C12orf42: variants seen among roughly 807,000 people sequenced by gnomAD.
The protein encoded by C12orf42 is chromosome 12 open reading frame 42.
C12orf42 carries 25 observed loss-of-function variants against 21.6 expected under a neutral mutation model. The ratio of observed to expected loss-of-function variants is 1.16; its 90% CI spans 0.84 to 1.62. C12orf42 has a LOEUF of 1.62. Ranked by LOEUF, C12orf42 falls within the 40% of genes most tolerant of loss-of-function variation. The pLI is 0.00. For synonymous variants in C12orf42, 174 were observed against 175.0 expected (o/e 0.99, Z 0.05); for missense variants, 483 against 459.3 (o/e 1.05, Z -0.47).
chr12:103,156,012 T>C, the C12orf42 span: 1 of 151,834 alleles, frequency 6.6e-6, no homozygotes, highest in African/African-American at 2.4e-5. Flanking sequence ...TTAATATTAT[T>C]TTATATTAAT....
the C12orf42 span, among the ~76,000 whole-genome samples, chr12:103,517,953 C>G: frequency 6.6e-6 from 1 of 151,838 alleles, no homozygotes; most frequent in Non-Finnish European, 1.5e-5. Context: ...GATTATAACT[C>G]CATTTTTGTG....
intron 4 of C12orf42, among the ~76,000 whole-genome samples, chr12:103,310,178 G>A (rs1353602669): frequency 6.6e-6 from 1 of 152,136 alleles, no homozygotes; most frequent in Admixed American, 6.5e-5. Context: ...CTCTGGTGCT[G>A]TTCTTGTGAT....
the C12orf42 span, among the ~76,000 whole-genome samples, chr12:103,217,576 C>A: frequency 6.6e-6 from 1 of 151,370 alleles, no homozygotes; most frequent in South Asian, 2.1e-4. Flanking sequence ...GATATAACTC[C>A]TTTTTCTGCT....
chr12:103,074,545 A>C, the C12orf42 span, among the ~76,000 whole-genome samples: 2 of 152,154 alleles, frequency 1.3e-5, no homozygotes, highest in Non-Finnish European at 2.9e-5. Flanking sequence ...ACCCCTCCTG[A>C]TTATATGCTA....
chr12:103,234,797 A>G (rs2033419473), downstream of C12orf42, among the ~76,000 whole-genome samples: 1 of 152,102 alleles, frequency 6.6e-6, no homozygotes, highest in Non-Finnish European at 1.5e-5. Context: ...TTCTGAACAT[A>G]TATACAGCAC....
the C12orf42 span, among the ~76,000 whole-genome samples, chr12:103,227,323 C>T: frequency 5.6e-5 from 8 of 143,938 alleles, no homozygotes; most frequent in African/African-American, 1.8e-4. Context: ...GGTTGGGGCA[C>T]GGAAATAAGG....
chr12:103,271,606 A>T (rs920744648), intron 5 of C12orf42, among the ~76,000 whole-genome samples: 23 of 152,174 alleles, frequency 1.5e-4, no homozygotes, highest in Non-Finnish European at 4.4e-5. Flanking sequence ...GAGACAGAGT[A>T]GGTAAAGCAC....
At chr12:103,099,937 C>A in the C12orf42 span, among the ~76,000 whole-genome samples, 1 of 152,176 alleles carries the variant, frequency 6.6e-6, no homozygotes, top group Admixed American at 6.5e-5. Flanking sequence ...GCCAAATGCC[C>A]ACTTTGATTA....
At chr12:103,348,842 C>A (rs2042856660) in intron 4 of C12orf42, among the ~76,000 whole-genome samples, 1 of 152,076 alleles carries the variant, frequency 6.6e-6, no homozygotes, top group Non-Finnish European at 1.5e-5. Context: ...AGATAAGGAA[C>A]AATTGCAAGG....
chr12:103,423,260 C>T (rs987546450), intron 2 of C12orf42, among the ~76,000 whole-genome samples: 1 of 152,188 alleles, frequency 6.6e-6, no homozygotes, highest in African/African-American at 2.4e-5. Flanking sequence ...TGGGCCCTCC[C>T]CCCCTTGGCC....
At chr12:103,061,001 C>T in the C12orf42 span, among the ~76,000 whole-genome samples, 151 of 152,302 alleles carry the variant, frequency 9.9e-4, 5 homozygotes, top group South Asian at 0.031. Flanking sequence ...GGATCTGGCA[C>T]AGCAAGAGAA....
chr12:103,400,348 T>C (rs1263308788), intron 3 of C12orf42, among the ~76,000 whole-genome samples: 1 of 152,204 alleles, frequency 6.6e-6, no homozygotes, highest in African/African-American at 2.4e-5. Context: ...TGATGTGAGA[T>C]TGGATCTGTG....
intron 4 of C12orf42, among the ~76,000 whole-genome samples, chr12:103,343,587 T>C (rs908176247): frequency 2.0e-5 from 3 of 151,972 alleles, no homozygotes; most frequent in African/African-American, 7.2e-5. Flanking sequence ...GAGACCAGCC[T>C]GGCTAACATG....
chr12:103,399,611 C>T (rs532899657), intron 3 of C12orf42, among the ~76,000 whole-genome samples: 1 of 152,130 alleles, frequency 6.6e-6, no homozygotes, highest in African/African-American at 2.4e-5. Flanking sequence ...CACCAATCTA[C>T]AGCTTTCATA....
intron 1 of C12orf42, among the ~76,000 whole-genome samples, chr12:103,482,639 T>C (rs1592994183): frequency 6.6e-6 from 1 of 152,138 alleles, no homozygotes. Flanking sequence ...TGTTAGGATA[T>C]ATATCTTTGA....
chr12:103,262,288 C>G (rs2034935748), intron 10 of C12orf42: 1 of 152,134 alleles, frequency 6.6e-6, no homozygotes, highest in Non-Finnish European at 1.5e-5. Context: ...GGCTTTTAAT[C>G]AAAATGTCCA....
upstream of C12orf42, among the ~76,000 whole-genome samples, chr12:103,496,636 T>G (rs987180585): frequency 1.3e-5 from 2 of 151,814 alleles, no homozygotes; most frequent in African/African-American, 4.8e-5. Context: ...AACCAAAGAG[T>G]TGTTAAGTCT....
chr12:103,344,647 A>G (rs2042453972), intron 4 of C12orf42, among the ~76,000 whole-genome samples: 1 of 152,160 alleles, frequency 6.6e-6, no homozygotes, highest in Admixed American at 6.6e-5. Context: ...ATTCTCAAAA[A>G]TCTGAAATTG....
the C12orf42 span, among the ~76,000 whole-genome samples, chr12:103,049,740 C>T: frequency 1.1e-4 from 17 of 152,200 alleles, no homozygotes; most frequent in African/African-American, 2.7e-4. Flanking sequence ...AGTCTCACTT[C>T]TACCTCATTG....
Sources: allele counts gnomAD v4.1 joint callset (sites outside exome capture counted in the v4.1 genomes callset), GRCh38; gene constraint gnomAD v4.1.1; transcripts MANE v1.5; gene names NCBI Gene and HGNC (gene_info 2026-07-23, HGNC 2026-07-21).